Variants in PCDHA13 observed in about 807,000 individuals in gnomAD.
PCDHA13 encodes protocadherin alpha-13.
A neutral mutation model predicts 64.8 loss-of-function variants in PCDHA13; 54 were observed. That is an observed-to-expected ratio of 0.83 (90% confidence interval 0.67 to 1.04). PCDHA13 has a LOEUF of 1.04. Ranked by LOEUF, PCDHA13 falls within the 50% of genes least tolerant of loss-of-function variation. The pLI is 0.00. For missense variants in PCDHA13, 1,248 were observed against 1,254.3 expected (o/e 0.99, Z 0.08); for synonymous variants, 587 against 564.4 (o/e 1.04, Z -0.57).
Position 140,884,504 on chromosome 5 carries a change from GGGAGTT to G in PCDHA13, c.2239_2244del (p.Trp748_Ser749del). On this transcript the variant is annotated inframe_deletion, in exon 1 of 4. Coordinates refer to ENST00000289272, the MANE Select transcript of PCDHA13 (RefSeq NM_018904.3). ...CACTCTAGTGTGCTCCAGCGCGGCA[GGGAGTT>G]GGTCGTACTCGCAGCAGAGGCGGCC... 1 of 1,614,180 alleles carries G rather than the reference GGGAGTT, an allele frequency of 6.2e-7. No homozygotes were observed. Among genetic ancestry groups the G allele is most frequent in the Non-Finnish European group, 8.5e-7 (1 of 1,180,016 alleles).
At chr5:140,927,868 C>T (rs782143210) in intron 1 of PCDHA13, 2 of 1,614,220 alleles carry the variant, frequency 1.2e-6, no homozygotes, top group Admixed American at 1.7e-5. Flanking sequence ...CACCGCTAAA[C>T]TGCTGGTGGA....
intron 1 of PCDHA13, chr5:140,928,238 A>T (rs147430561): frequency 1.9e-6 from 3 of 1,614,188 alleles, no homozygotes; most frequent in Non-Finnish European, 2.5e-6. Context: ...CCTCAACCCC[A>T]GCAGGAACTT....
chr5:141,009,452 TAAAC>T (rs1226554195), intron 3 of PCDHA13, among the ~76,000 whole-genome samples, 171 bp from the exon 4 acceptor site: 1 of 152,120 alleles, frequency 6.6e-6, no homozygotes, highest in Non-Finnish European at 1.5e-5. Flanking sequence ...TCAAAAAAAT[TAAAC>T]AAATAAATAA....
chr5:140,890,419 A>G (rs1168983784), intron 1 of PCDHA13, among the ~76,000 whole-genome samples: 4 of 152,212 alleles, frequency 2.6e-5, no homozygotes, highest in Non-Finnish European at 5.9e-5. Context: ...ATATTTATTT[A>G]GTTTATATTT....
chr5:140,884,514 C>T lies in PCDHA13; in HGVS notation c.2246C>T (p.Ser749Leu), dbSNP rs368331245. ...TGCTCCAGCGCGGCAGGGAGTTGGT[C>T]GTACTCGCAGCAGAGGCGGCCGAGG... ...LVCSSAAGSWSYSQQRRPRVC... is the reference protein window; with the variant it reads ...LVCSSAAGSWLYSQQRRPRVC... Residue 749 changes from serine (S) to leucine (L), a missense_variant, in exon 1 of 4, where the codon TCG becomes TTG. By Grantham distance (145) the Ser-to-Leu change is moderately radical (BLOSUM62 -2). Transcript: ENST00000289272. The T allele has an allele frequency of 1.9e-6, 3 of 1,614,176 alleles. No homozygotes were observed. Among genetic ancestry groups the T allele is most frequent in the African/African-American group, 1.3e-5 (1 of 75,066 alleles).
intron 3 of PCDHA13, among the ~76,000 whole-genome samples, chr5:140,989,611 A>G (rs2097350612): frequency 6.6e-6 from 1 of 152,232 alleles, no homozygotes. Flanking sequence ...ACTAAAAATG[A>G]AAGTCTGTCC....
At chr5:140,963,685 C>T (rs1272143166) in intron 1 of PCDHA13, among the ~76,000 whole-genome samples, 19 of 152,220 alleles carry the variant, frequency 1.2e-4, no homozygotes, top group Middle Eastern at 3.4e-3. Flanking sequence ...TGTGTTTATC[C>T]GTGTTTGATA....
At position 140,882,692 on chromosome 5, in the gene PCDHA13, A is replaced by G. The variant is rs998224514; in HGVS notation, c.424A>G (p.Ile142Val). The change falls in exon 1 of 4, where the codon ATT (isoleucine) becomes GTT (valine). Residue 142 changes from isoleucine to valine, a missense_variant. Transcript: ENST00000289272. ...IFPESKKRIIIAESRPPETRF... is the reference protein window; with the variant it reads ...IFPESKKRIIVAESRPPETRF... ...CCCTGAAAGCAAGAAACGAATAATC[A>G]TTGCAGAATCTAGACCTCCGGAAAC... The G allele has an allele frequency of 6.2e-7, 1 of 1,614,204 alleles. No homozygotes were observed. Among genetic ancestry groups the G allele is most frequent in the South Asian group, 1.1e-5 (1 of 91,080 alleles).
chr5:140,969,642 A>G (rs2096350693), intron 1 of PCDHA13: 1 of 206,874 alleles, frequency 4.8e-6, no homozygotes, highest in African/African-American at 2.4e-5. Context: ...GCCTTGGAAT[A>G]GGGATTATGT....
At chr5:140,967,453 C>T in intron 1 of PCDHA13, 1 of 1,613,556 alleles carries the variant, frequency 6.2e-7, no homozygotes, top group South Asian at 1.1e-5. Context: ...TTCTCACAGC[C>T]GTGGATGGGG....
chr5:140,899,225 A>C (rs1479429839), intron 1 of PCDHA13, among the ~76,000 whole-genome samples: 1 of 152,038 alleles, frequency 6.6e-6, no homozygotes, highest in African/African-American at 2.4e-5. Context: ...TTCCAACACT[A>C]TGTTGAATAG....
chr5:140,929,651 A>G (rs2086278415), intron 1 of PCDHA13: 2 of 358,222 alleles, frequency 5.6e-6, no homozygotes, highest in East Asian at 8.9e-5. Context: ...AAGGCACTCT[A>G]ATATTTAAAG....
intron 1 of PCDHA13, among the ~76,000 whole-genome samples, chr5:140,899,694 T>G (rs961067519): frequency 2.0e-5 from 3 of 152,236 alleles, no homozygotes; most frequent in African/African-American, 4.8e-5. Flanking sequence ...GCTGGCCTCA[T>G]AAAATGAGTT....
At chr5:140,964,910 A>G (rs1474342229) in intron 1 of PCDHA13, among the ~76,000 whole-genome samples, 2 of 152,206 alleles carry the variant, frequency 1.3e-5, no homozygotes, top group African/African-American at 4.8e-5. Context: ...CTTCTCTGGA[A>G]TAACACTGGC....
chr5:140,949,992 G>A (rs2094439293), intron 1 of PCDHA13, among the ~76,000 whole-genome samples: 1 of 151,522 alleles, frequency 6.6e-6, no homozygotes, highest in African/African-American at 2.4e-5. Flanking sequence ...ACTTTTCTCA[G>A]TCCACTTAAT....
At chr5:140,948,868 G>A (rs191976148) in intron 1 of PCDHA13, among the ~76,000 whole-genome samples, 20 of 151,330 alleles carry the variant, frequency 1.3e-4, no homozygotes, top group African/African-American at 4.8e-4. Context: ...ATTACTTCGG[G>A]TTTACTTTGC....
At chr5:140,974,712 G>C (rs999445044) in intron 1 of PCDHA13, among the ~76,000 whole-genome samples, 1 of 152,076 alleles carries the variant, frequency 6.6e-6, no homozygotes, top group African/African-American at 2.4e-5. Flanking sequence ...TGTTGTTCAA[G>C]CTGCTCTCGA....
intron 1 of PCDHA13, among the ~76,000 whole-genome samples, chr5:140,963,002 A>G (rs921334790): frequency 7.2e-5 from 11 of 152,242 alleles, no homozygotes; most frequent in African/African-American, 2.2e-4. Flanking sequence ...TACTAAAAAT[A>G]AGATCTGAAG....
chr5:140,884,037 T>C lies in PCDHA13; in HGVS notation c.1769T>C (p.Val590Ala), dbSNP rs1260114488. 1 of 1,613,346 alleles carries C rather than the reference T, an allele frequency of 6.2e-7. No individual in the cohort carries two copies. Among genetic ancestry groups the C allele is most frequent in the Non-Finnish European group, 8.5e-7 (1 of 1,179,680 alleles). Reference protein sequence around the residue: ...LMPRSVGAGHVVAKVRAVDAD... With the variant: ...LMPRSVGAGHAVAKVRAVDAD... ...CCGCGGTCGGTGGGTGCAGGCCACGTGGTGGCGAAGGTGCGCGCGGTGGAC... is the reference window on the plus strand; with the variant it reads ...CCGCGGTCGGTGGGTGCAGGCCACGCGGTGGCGAAGGTGCGCGCGGTGGAC... Residue 590 changes from valine to alanine, a missense_variant, in exon 1 of 4, where the codon GTG (valine) becomes GCG (alanine). Physicochemically the swap from Val to Ala is moderately conservative, Grantham distance 64. Transcript: ENST00000289272.
Sources: allele counts gnomAD v4.1 joint callset (sites outside exome capture counted in the v4.1 genomes callset), GRCh38; gene constraint gnomAD v4.1.1; transcripts MANE v1.5; gene names NCBI Gene and HGNC (gene_info 2026-07-23, HGNC 2026-07-21).